Variants in MAP2 observed in about 807,000 individuals in gnomAD.
MAP2 encodes microtubule-associated protein 2.
In MAP2, 14 loss-of-function variants were observed where a neutral mutation model predicts 137.6. The observed-to-expected ratio is 0.10, with a 90% CI of 0.07 to 0.16. The LOEUF is 0.16. Among genes scored for constraint, MAP2 ranks in the 10% least tolerant of loss-of-function variants. The pLI, the probability that MAP2 is intolerant of heterozygous loss-of-function variation, is 1.00. For synonymous variants in MAP2, 786 were observed against 782.3 expected (o/e 1.00, Z -0.08); for missense variants, 2,088 against 2,191.5 (o/e 0.95, Z 0.94).
intron 2 of MAP2, among the ~76,000 whole-genome samples, chr2:209,518,108 G>A (rs2062777144): frequency 6.6e-6 from 1 of 152,072 alleles, no homozygotes; most frequent in Admixed American, 6.6e-5. Context: ...AGAAGGTGCA[G>A]TTCCAATACA....
At chr2:209,468,070 G>A (rs907775577) in intron 1 of MAP2, among the ~76,000 whole-genome samples, 1 of 147,586 alleles carries the variant, frequency 6.8e-6, no homozygotes, top group East Asian at 2.0e-4. Flanking sequence ...CACTCCCTCA[G>A]CCCTAATTTG....
chr2:209,633,804 A>G (rs898879110), intron 4 of MAP2, among the ~76,000 whole-genome samples: 3 of 152,144 alleles, frequency 2.0e-5, no homozygotes, highest in Non-Finnish European at 4.4e-5. Flanking sequence ...AATTAACAAA[A>G]TAAGGGCCAC....
intron 5 of MAP2, among the ~76,000 whole-genome samples, chr2:209,669,121 T>G (rs1182075778): frequency 6.6e-6 from 1 of 152,014 alleles, no homozygotes. Context: ...AAATGAACAG[T>G]CACTTATTTA....
chr2:209,718,644 C>T (rs915126567), intron 13 of MAP2, among the ~76,000 whole-genome samples: 3 of 152,122 alleles, frequency 2.0e-5, no homozygotes, highest in African/African-American at 7.2e-5. Flanking sequence ...CTGTGCCATG[C>T]GACTCAGCTT....
intron 7 of MAP2, among the ~76,000 whole-genome samples, chr2:209,684,192 T>G (rs1299172438): frequency 1.3e-5 from 2 of 152,210 alleles, no homozygotes; most frequent in African/African-American, 4.8e-5. Flanking sequence ...TTTGGAAGGC[T>G]GTGAAGGAAT....
chr2:209,540,017 T>A (rs1436700562), intron 2 of MAP2, among the ~76,000 whole-genome samples: 2 of 149,136 alleles, frequency 1.3e-5, no homozygotes, highest in African/African-American at 5.0e-5. Flanking sequence ...AGGAGGGTTG[T>A]TTGAGCCTGG....
chr2:209,527,443 C>T (rs775816254), intron 2 of MAP2, among the ~76,000 whole-genome samples: 8 of 152,100 alleles, frequency 5.3e-5, no homozygotes, highest in Admixed American at 2.0e-4. Context: ...ACTATTTTCA[C>T]GCATACACCG....
chr2:209,520,032 G>T (rs1386987714), intron 2 of MAP2, among the ~76,000 whole-genome samples: 1 of 152,032 alleles, frequency 6.6e-6, no homozygotes, highest in Non-Finnish European at 1.5e-5. Context: ...GCTTTCTGGT[G>T]CATTTAACTT....
chr2:209,626,208 G>A (rs1848691), intron 4 of MAP2, among the ~76,000 whole-genome samples: 120 of 152,248 alleles, frequency 7.9e-4, no homozygotes, highest in African/African-American at 2.8e-3. Context: ...GAGGTCAGGA[G>A]TTTGAGATCA....
At chr2:209,434,837 A>ATATGT (rs1695302178) in intron 1 of MAP2, among the ~76,000 whole-genome samples, 10 of 102,618 alleles carry the variant, frequency 9.7e-5, no homozygotes, top group African/African-American at 5.5e-4. Context: ...CTCTCTCTAT[A>ATATGT]TATATATATA....
chr2:209,628,030 T>C (rs1266928616), intron 4 of MAP2, among the ~76,000 whole-genome samples: 2 of 152,204 alleles, frequency 1.3e-5, no homozygotes, highest in Non-Finnish European at 2.9e-5. Context: ...CATGTACTTC[T>C]AAATGTGTTT....
At chr2:209,666,482 A>G (rs2046353375) in intron 5 of MAP2, among the ~76,000 whole-genome samples, 1 of 152,098 alleles carries the variant, frequency 6.6e-6, no homozygotes. Context: ...CGAGAAAGGA[A>G]GTTCATTCAG....
At chr2:209,609,618 G>A (rs1156684711) in intron 3 of MAP2, among the ~76,000 whole-genome samples, 1 of 152,092 alleles carries the variant, frequency 6.6e-6, no homozygotes, top group Non-Finnish European at 1.5e-5. Flanking sequence ...CTTTCACTTA[G>A]CATCGTATTT....
At position 209,582,995 on chromosome 2, in the gene MAP2, A is replaced by T. The variant is rs573618799; in HGVS notation, c.-107+2895A>T. Among the ~76,000 whole-genome samples the T allele has an allele frequency of 4.7e-4, 71 of 152,158 alleles. No individual in the cohort carries two copies. The South Asian group carries it at 5.2e-3, about 11-fold the overall frequency. On this transcript the variant is annotated intron_variant, in intron 3 of 15. Coordinates refer to ENST00000682079, the MANE Select transcript of MAP2 (RefSeq NM_001375505.1). ...TCCTTCATATTAAACACTAAATTTTACCACATTTTTTTCTAGCAGATTTTT... is the reference window on the plus strand; with the variant it reads ...TCCTTCATATTAAACACTAAATTTTTCCACATTTTTTTCTAGCAGATTTTT...
intron 3 of MAP2, among the ~76,000 whole-genome samples, chr2:209,593,393 C>T (rs1376007109): frequency 2.0e-5 from 3 of 149,060 alleles, no homozygotes; most frequent in Non-Finnish European, 4.5e-5. Flanking sequence ...GATCATAGGT[C>T]GCTGTTGTAA....
chr2:209,470,488 A>T (rs1705395672), intron 1 of MAP2, among the ~76,000 whole-genome samples: 1 of 149,806 alleles, frequency 6.7e-6, no homozygotes, highest in South Asian at 2.1e-4. Context: ...TTATATATAT[A>T]ATTGTATATA....
Position 209,653,371 on chromosome 2 carries a change from T to C in MAP2, c.201T>C (p.Tyr67=), listed in dbSNP as rs1402144906. ...GAGAGCATGGGTCACAGGGCACCTA[T>C]TCAAATACCAAAGAGAATGGGATCA... ...AFGEHGSQGT[Y]SNTKENGING... is the part of the protein sequence containing the mutation. The change falls in exon 5 of 16, where the codon TAT becomes TAC. Residue 67 remains tyrosine, a synonymous_variant. Coordinates refer to ENST00000682079, the MANE Select transcript of MAP2 (RefSeq NM_001375505.1). 5.6e-6 allele frequency: 9 copies of C among 1,613,884 alleles called. No homozygotes were observed. Among genetic ancestry groups the C allele is most frequent in the Non-Finnish European group, 7.6e-6 (9 of 1,179,894 alleles).
chr2:209,594,639 G>C (rs1302512834), intron 3 of MAP2, among the ~76,000 whole-genome samples: 1 of 152,154 alleles, frequency 6.6e-6, no homozygotes. Context: ...ATAGAGAGAA[G>C]TGTGTGTAAG....
At chr2:209,540,053 A>G (rs2066645322) in intron 2 of MAP2, among the ~76,000 whole-genome samples, 2 of 140,160 alleles carry the variant, frequency 1.4e-5, no homozygotes, top group Non-Finnish European at 3.0e-5. Flanking sequence ...GTGAGCTGTG[A>G]TCATGCCAGT....
Sources: gnomAD v4.1 joint callset for allele counts (sites outside exome capture counted in the v4.1 genomes callset) on GRCh38, gnomAD v4.1.1 for gene constraint, MANE v1.5 for transcripts, NCBI Gene and HGNC (gene_info 2026-07-23, HGNC 2026-07-21) for gene names.